NINJ2: variants seen among roughly 807,000 people sequenced by gnomAD.
NINJ2 encodes the protein ninjurin-2.
In NINJ2, 12 loss-of-function variants were observed where a neutral mutation model predicts 11.7. The observed-to-expected ratio is 1.02, with a 90% CI of 0.66 to 1.66. The LOEUF (loss-of-function observed/expected upper bound fraction) is 1.66. NINJ2 is among the 40% of genes most tolerant of loss of function. NINJ2 has a pLI of 0.00. For synonymous variants in NINJ2, 93 were observed against 76.8 expected (o/e 1.21, Z -1.10); for missense variants, 187 against 181.8 (o/e 1.03, Z -0.16).
chr12:585,494 GAA>G lies in NINJ2; in HGVS notation c.34-19318_34-19317del, dbSNP rs1947621283. On this transcript the variant is annotated intron_variant, in intron 1 of 3. Coordinates refer to ENST00000305108, the MANE Select transcript of NINJ2 (RefSeq NM_016533.6). The surrounding 1 kb of genome is among the most constrained non-coding windows in gnomAD (Gnocchi z 4.1). ...GTTGGAGGAAGGGAACGGTTGGAGGGAAGGGAAGGGAACGGTTGGAGGGAAGG... is the reference window on the plus strand; with the variant it reads ...GTTGGAGGAAGGGAACGGTTGGAGGGGGGAAGGGAACGGTTGGAGGGAAGG... Among the ~76,000 whole-genome samples the G allele has an allele frequency of 4.5e-5, 1 of 22,124 alleles. No homozygotes were observed. The highest frequency in any genetic ancestry group is 1.1e-4 in the Non-Finnish European group (1 of 9,038). The allele number at this position is 22,124 out of a possible 152,430, so 14.5% of individuals were successfully genotyped here.
intron 1 of NINJ2, among the ~76,000 whole-genome samples, chr12:625,587 T>C (rs1404228380): frequency 6.6e-6 from 1 of 152,184 alleles, no homozygotes; most frequent in Non-Finnish European, 1.5e-5. Flanking sequence ...AGCAAGCTAC[T>C]TCTGGTCAAC....
chr12:643,393 C>T, intron 1 of NINJ2: 1 of 957,232 alleles, frequency 1.0e-6, no homozygotes, highest in Non-Finnish European at 1.2e-6. Flanking sequence ...GTCGCAGCTG[C>T]AGTCGCGCCA....
At chr12:587,156 A>G (rs997806003) in intron 1 of NINJ2, among the ~76,000 whole-genome samples, 6 of 152,308 alleles carry the variant, frequency 3.9e-5, no homozygotes, top group African/African-American at 1.4e-4. Flanking sequence ...CCAGGGTTCA[A>G]TAGTATTGGA....
At chr12:584,513 A>C (rs1947605199) in intron 1 of NINJ2, among the ~76,000 whole-genome samples, 1 of 152,110 alleles carries the variant, frequency 6.6e-6, no homozygotes, top group African/African-American at 2.4e-5. Context: ...TCTACTAAAA[A>C]TTAAAAAATT....
At chr12:617,982 A>G (rs966252138) in intron 1 of NINJ2, among the ~76,000 whole-genome samples, 1 of 151,956 alleles carries the variant, frequency 6.6e-6, no homozygotes, top group African/African-American at 2.4e-5. Context: ...TATTCAGTGA[A>G]TAACGTACTC....
At chr12:631,604 C>T (rs1948283138) in intron 1 of NINJ2, among the ~76,000 whole-genome samples, 1 of 152,078 alleles carries the variant, frequency 6.6e-6, no homozygotes, top group South Asian at 2.1e-4. Context: ...CCTCGTGATC[C>T]GCCTGCCTCG....
In NINJ2 at chr12:640,979, T is replaced by C. The variant is rs1948410128; in HGVS notation, c.33+22349A>G. On this transcript the variant is annotated intron_variant, in intron 1 of 3. Transcript: ENST00000305108. This position sits in a 1 kb window ranked among gnomAD's most constrained non-coding sequence, Gnocchi z 4.0. ...CAACTTAAGAGACTGCGGTTAGAAG[T>C]GATCTTCATAAATTGTTTGCCTTGC... 1 of 152,204 alleles carries C rather than the reference T, an allele frequency of 6.6e-6. No homozygotes were observed. The highest frequency in any genetic ancestry group is 1.5e-5 in the Non-Finnish European group (1 of 68,068). 9.4% of individuals were successfully genotyped at this position (152,204 alleles called of 1,614,324 possible).
At chr12:645,906 G>C (rs1242647285) in intron 1 of NINJ2, 1 of 152,192 alleles carries the variant, frequency 6.6e-6, no homozygotes, top group Non-Finnish European at 1.5e-5. Flanking sequence ...ATGTCTTCCA[G>C]AGTACCTCCC....
At chr12:569,877 C>A (rs1947353283) in intron 1 of NINJ2, among the ~76,000 whole-genome samples, 1 of 152,214 alleles carries the variant, frequency 6.6e-6, no homozygotes, top group South Asian at 2.1e-4. Flanking sequence ...CCTTTCACTG[C>A]GGGTGCTGGG....
At chr12:609,207 G>C (rs1366472593) in intron 1 of NINJ2, among the ~76,000 whole-genome samples, 1 of 129,978 alleles carries the variant, frequency 7.7e-6, no homozygotes, top group Non-Finnish European at 1.7e-5. Context: ...CACGCACGGC[G>C]CCACGCGCTA....
rs1252643289 is a variant in NINJ2, at chr12:591,628, TG to T, written c.34-25451del. On this transcript the variant is annotated intron_variant, in intron 1 of 3. Transcript: ENST00000305108. The surrounding 1 kb of genome is among the most constrained non-coding windows in gnomAD (Gnocchi z 5.0). ...GCCTTTTGGCTGAGCTCCGAGTCCC[TG>T]GAGGGACAGTGTCTGCTGTGAACAG... Among the ~76,000 whole-genome samples, 1 of 152,014 alleles carries T rather than the reference TG, an allele frequency of 6.6e-6. No homozygotes were observed. Among genetic ancestry groups the T allele is most frequent in the African/African-American group, 2.4e-5 (1 of 41,404 alleles).
At chr12:653,296 G>C (rs562739105) in intron 1 of NINJ2, among the ~76,000 whole-genome samples, 1 of 152,106 alleles carries the variant, frequency 6.6e-6, no homozygotes, top group East Asian at 1.9e-4. Context: ...TGGGATTACA[G>C]GCGTGAGCCA....
intron 1 of NINJ2, among the ~76,000 whole-genome samples, chr12:605,245 A>G (rs1177925351): frequency 6.6e-6 from 1 of 152,220 alleles, no homozygotes; most frequent in African/African-American, 2.4e-5. Context: ...GCTGTGCATC[A>G]TGGGGAGAGG....
At chr12:598,187 C>G (rs1947815598) in intron 1 of NINJ2, among the ~76,000 whole-genome samples, 1 of 152,206 alleles carries the variant, frequency 6.6e-6, no homozygotes, top group Non-Finnish European at 1.5e-5. Context: ...TATGTACAGA[C>G]AGCACTTTGC....
At chr12:660,124 A>G (rs1315002639) in intron 1 of NINJ2, among the ~76,000 whole-genome samples, 1 of 140,396 alleles carries the variant, frequency 7.1e-6, no homozygotes, top group Non-Finnish European at 1.6e-5. Flanking sequence ...AATCACTAAA[A>G]AAAGAAAAAA....
intron 1 of NINJ2, among the ~76,000 whole-genome samples, chr12:647,009 C>T (rs1181951370): frequency 6.6e-6 from 1 of 152,188 alleles, no homozygotes; most frequent in Non-Finnish European, 1.5e-5. Flanking sequence ...GGTGATGCTG[C>T]AGACTTTGGG....
At chr12:626,338 T>C (rs10774385) in intron 1 of NINJ2, among the ~76,000 whole-genome samples, 142,525 of 152,278 alleles carry the variant, frequency 0.94, 67,463 homozygotes, top group East Asian at 1. Flanking sequence ...GCTGCGTTAG[T>C]GAGGAGGTAG....
intron 1 of NINJ2, among the ~76,000 whole-genome samples, chr12:662,409 CGA>C (rs111778018): frequency 3.2e-3 from 471 of 145,730 alleles, no homozygotes; most frequent in Non-Finnish European, 4.0e-3. Context: ...ACACAGAGAA[CGA>C]GAGAGAGAGA....
rs1461221102 is a variant in NINJ2, at chr12:640,799, C to T, written c.33+22529G>A. ...AGGTGTGAATCATTGTGCTAGGCCACATTTTTTTTTAATTGTTCTGTTTGT... is the reference window on the plus strand; with the variant it reads ...AGGTGTGAATCATTGTGCTAGGCCATATTTTTTTTTAATTGTTCTGTTTGT... On this transcript the variant is annotated intron_variant, in intron 1 of 3. Coordinates refer to ENST00000305108, the MANE Select transcript of NINJ2 (RefSeq NM_016533.6). The surrounding 1 kb of genome is among the most constrained non-coding windows in gnomAD (Gnocchi z 4.0). 6.6e-6 allele frequency: 1 copy of T among 152,484 alleles called. No individual in the cohort carries two copies. The highest frequency in any genetic ancestry group is 2.4e-5 in the African/African-American group (1 of 41,396). 9.4% of individuals were successfully genotyped at this position (152,484 alleles called of 1,614,324 possible). A position where few individuals can be genotyped will look rare whatever the true frequency, so the allele number is the denominator to read the frequency against.
Sources: gnomAD v4.1 joint callset for allele counts (sites outside exome capture counted in the v4.1 genomes callset) on GRCh38, gnomAD v4.1.1 for gene constraint, Gnocchi (gnomAD v3.1) non-coding constraint, MANE v1.5 for transcripts, NCBI Gene and HGNC (gene_info 2026-07-23, HGNC 2026-07-21) for gene names.